PPM1L: variants seen among roughly 807,000 people sequenced by gnomAD.
PPM1L encodes protein phosphatase 1L.
A neutral mutation model predicts 31.4 loss-of-function variants in PPM1L; 13 were observed. The observed-to-expected ratio is 0.41, with a 90% CI of 0.27 to 0.66. PPM1L has a LOEUF of 0.66. PPM1L is among the 30% of genes least tolerant of loss of function. PPM1L has a pLI of 0.29. For synonymous variants in PPM1L, 184 were observed against 175.4 expected (o/e 1.05, Z -0.39); for missense variants, 326 against 453.7 (o/e 0.72, Z 2.56).
chr3:160,893,406 G>A (rs1240935854), intron 1 of PPM1L, among the ~76,000 whole-genome samples: 1 of 152,138 alleles, frequency 6.6e-6, no homozygotes, highest in Non-Finnish European at 1.5e-5. Context: ...AGCTCACTCA[G>A]CATTTTTGTT....
chr3:160,991,167 G>A (rs558121100), intron 2 of PPM1L, among the ~76,000 whole-genome samples: 14 of 152,094 alleles, frequency 9.2e-5, no homozygotes, highest in Admixed American at 2.6e-4. Context: ...ATTCAAAGTC[G>A]TCCTGGGCTG....
intron 1 of PPM1L, among the ~76,000 whole-genome samples, chr3:160,913,307 G>A (rs1714037152): frequency 6.6e-6 from 1 of 152,152 alleles, no homozygotes; most frequent in Admixed American, 6.6e-5. Context: ...CCACCTTGGT[G>A]TAGACAGTGA....
intron 1 of PPM1L, among the ~76,000 whole-genome samples, chr3:160,919,066 A>C (rs1036123982): frequency 1.3e-5 from 2 of 152,236 alleles, no homozygotes; most frequent in Non-Finnish European, 2.9e-5. Context: ...ATCTCCTCAG[A>C]CTGGGATAAT....
chr3:161,061,131 T>G (rs1039136255), intron 2 of PPM1L, among the ~76,000 whole-genome samples: 1 of 152,110 alleles, frequency 6.6e-6, no homozygotes, highest in African/African-American at 2.4e-5. Context: ...AACAGTAAGT[T>G]TTTTTTGGTG....
At chr3:161,005,236 C>T (rs920905502) in intron 2 of PPM1L, among the ~76,000 whole-genome samples, 36 of 152,140 alleles carry the variant, frequency 2.4e-4, no homozygotes, top group Non-Finnish European at 5.3e-4. Context: ...GATTCTTAAT[C>T]CTGAGTTCTA....
intron 1 of PPM1L, among the ~76,000 whole-genome samples, chr3:160,849,868 A>T (rs2108111974): frequency 6.6e-6 from 1 of 152,260 alleles, no homozygotes; most frequent in Middle Eastern, 3.4e-3. Flanking sequence ...GATTAGGAAA[A>T]ACAAGCCATG....
intron 1 of PPM1L, among the ~76,000 whole-genome samples, chr3:160,880,613 A>G (rs1242877150): frequency 1.4e-5 from 2 of 145,952 alleles, no homozygotes; most frequent in Non-Finnish European, 1.5e-5. Context: ...TTACTGGTAA[A>G]ATAGCATTCT....
chr3:160,961,484 G>A (rs1480001770), intron 1 of PPM1L, among the ~76,000 whole-genome samples: 1 of 152,110 alleles, frequency 6.6e-6, no homozygotes, highest in African/African-American at 2.4e-5. Flanking sequence ...CTAAATCTGC[G>A]AATATCTAAC....
At chr3:161,044,318 A>C (rs572649150) in intron 2 of PPM1L, among the ~76,000 whole-genome samples, 4 of 152,002 alleles carry the variant, frequency 2.6e-5, no homozygotes, top group African/African-American at 9.6e-5. Context: ...GGGGTTACAG[A>C]CGTGAGCCAC....
At chr3:160,823,705 C>A (rs1180940294) in intron 1 of PPM1L, among the ~76,000 whole-genome samples, 2 of 152,022 alleles carry the variant, frequency 1.3e-5, no homozygotes, top group African/African-American at 4.8e-5. Flanking sequence ...TATATTAGCT[C>A]ATTTAATTCT....
At chr3:160,834,892 T>C (rs370633379) in intron 1 of PPM1L, among the ~76,000 whole-genome samples, 1 of 152,120 alleles carries the variant, frequency 6.6e-6, no homozygotes, top group South Asian at 2.1e-4. Flanking sequence ...GTCATGAACA[T>C]TGATGTGCAG....
chr3:160,794,311 T>G (rs982122012), intron 1 of PPM1L, among the ~76,000 whole-genome samples: 2 of 152,116 alleles, frequency 1.3e-5, no homozygotes, highest in Non-Finnish European at 2.9e-5. Flanking sequence ...TGATAGTTGA[T>G]GAGTGGGGAA....
At chr3:160,819,787 G>A (rs114272099) in intron 1 of PPM1L, among the ~76,000 whole-genome samples, 5,226 of 152,068 alleles carry the variant, frequency 0.034, 135 homozygotes, top group Middle Eastern at 0.12. Context: ...AGGGAGAGTA[G>A]CCTGGAGAAG....
intron 1 of PPM1L, among the ~76,000 whole-genome samples, chr3:160,781,046 AT>A (rs1711734588): frequency 6.6e-6 from 1 of 151,882 alleles, no homozygotes; most frequent in Non-Finnish European, 1.5e-5. Flanking sequence ...CCTCTTATTT[AT>A]TTTTTACTTT....
chr3:160,991,277 G>C (rs1019961229), intron 2 of PPM1L, among the ~76,000 whole-genome samples: 5 of 152,000 alleles, frequency 3.3e-5, no homozygotes, highest in Admixed American at 6.6e-5. Flanking sequence ...GAATGTTTTT[G>C]GTTCCTTTTC....
Position 161,073,013 on chromosome 3 carries a change from G to A in PPM1L, c.*3856G>A, listed in dbSNP as rs1719981040. ...TACTATGCCTGTTTAATTGCCTCTG[G>A]ATTAAGTCATTGATAGCTAGACTTT... On this transcript the variant is annotated 3_prime_UTR_variant, in exon 4 of 4. Transcript: ENST00000498165. 6.6e-6 allele frequency: 1 copy of A among 152,124 alleles called. No individual in the cohort carries two copies. The highest frequency in any genetic ancestry group is 1.5e-5 in the Non-Finnish European group (1 of 68,024). The allele number at this position is 152,124 out of a possible 1,614,324, so 9.4% of individuals were successfully genotyped here.
At chr3:161,067,147 A>T (rs1719764232) in intron 3 of PPM1L, among the ~76,000 whole-genome samples, 1 of 152,152 alleles carries the variant, frequency 6.6e-6, no homozygotes, top group Admixed American at 6.5e-5. Context: ...TGTACACAAT[A>T]CACCTGCAAA....
chr3:160,944,803 A>ACATATTATATATGT, intron 1 of PPM1L, among the ~76,000 whole-genome samples: 1 of 59,242 alleles, frequency 1.7e-5, no homozygotes, highest in Middle Eastern at 0.012. Context: ...TATATATAAC[A>ACATATTATATATGT]TATATAACAT....
intron 1 of PPM1L, among the ~76,000 whole-genome samples, chr3:160,958,384 A>G (rs1715849300): frequency 6.6e-6 from 1 of 152,232 alleles, no homozygotes; most frequent in Non-Finnish European, 1.5e-5. Flanking sequence ...ATGGCTAGCC[A>G]GGAATCCCAT....
Sources: allele counts gnomAD v4.1 joint callset (sites outside exome capture counted in the v4.1 genomes callset), GRCh38; gene constraint gnomAD v4.1.1; transcripts MANE v1.5; gene names NCBI Gene and HGNC (gene_info 2026-07-23, HGNC 2026-07-21).